TECR: variants seen among roughly 807,000 people sequenced by gnomAD.
TECR encodes trans-2,3-enoyl-CoA reductase.
A neutral mutation model predicts 50.6 loss-of-function variants in TECR; 19 were observed. That is an observed-to-expected ratio of 0.38 (90% confidence interval 0.26 to 0.55). The LOEUF is 0.55. TECR is among the 20% of genes least tolerant of loss of function. TECR has a pLI of 0.79. For synonymous variants in TECR, 168 were observed against 163.5 expected, an observed-to-expected ratio of 1.03 and a Z score of -0.21; for missense variants, 313 against 408.3, an observed-to-expected ratio of 0.77 and a Z score of 2.01.
At chr19:14,528,300 C>T (rs1333981286), upstream of TECR, among the ~76,000 whole-genome samples, 1 of 134,602 alleles carries the variant, frequency 7.4e-6, no homozygotes, top group Admixed American at 7.5e-5. Context: ...AGTGTAGTGG[C>T]GAGATCTTGG....
chr19:14,533,385 A>G (rs1016166435), intron 1 of TECR, among the ~76,000 whole-genome samples: 8 of 151,934 alleles, frequency 5.3e-5, no homozygotes, highest in Admixed American at 2.0e-4. Context: ...GCACCACTGC[A>G]CTCCAGCCTG....
chr19:14,539,894 TTC>T (rs2073037479), intron 1 of TECR, among the ~76,000 whole-genome samples: 1 of 150,334 alleles, frequency 6.7e-6, no homozygotes, highest in Non-Finnish European at 1.5e-5. Context: ...TTTTTTTTTT[TTC>T]TGAGACGGAG....
chr19:14,542,322 C>T lies in TECR; in HGVS notation c.15+12611C>T, dbSNP rs568342112. 1.2e-4 allele frequency among the ~76,000 whole-genome samples: 17 copies of T among 140,460 alleles called. No homozygotes were observed. The East Asian group carries it at 3.3e-3, about 27-fold the overall frequency. The allele number at this position is 140,460 out of a possible 152,430, so 92.1% of individuals were successfully genotyped here. On this transcript the variant is annotated intron_variant, in intron 1 of 12. Transcript: ENST00000215567. ...ATTGGAGGGCAGTTCATTTTTAAGT[C>T]CTCAGGGGGCCCTCATGCCATAGTG... is the stretch of plus-strand genomic sequence containing the variant.
Position 14,565,584 on chromosome 19 carries a change from G to GCTGCCCACGCTCACTCTCCGCCC in TECR, c.754-25_754-3dup, listed in dbSNP as rs762576926. 5 of 1,600,082 alleles carry GCTGCCCACGCTCACTCTCCGCCC rather than the reference G, an allele frequency of 3.1e-6. No homozygotes were observed. In the East Asian group the frequency reaches 1.1e-4, roughly 36 times the overall value. ...GACAGCCACATACACGGGTTGCGAG[G>GCTGCCCACGCTCACTCTCCGCCC]CTGCCCACGCTCACTCTCCGCCCCT... On this transcript the variant is annotated intron_variant, in intron 11 of 12. Transcript: ENST00000215567.
chr19:14,563,309 CT>C lies in TECR; in HGVS notation c.118+54del. 1.3e-6 allele frequency: 2 copies of C among 1,520,434 alleles called. No individual in the cohort carries two copies. Among genetic ancestry groups the C allele is most frequent in the Non-Finnish European group, 1.8e-6 (2 of 1,098,774 alleles). The allele number at this position is 1,520,434 out of a possible 1,614,324, so 94.2% of individuals were successfully genotyped here. A position where few individuals can be genotyped will look rare whatever the true frequency, so the allele number is the denominator to read the frequency against. ...CCCTGCAACCCCTTTGACCAGGGAC[CT>C]TAGGGTGGGAGGGATCCCATCCTGC... is the stretch of plus-strand genomic sequence containing the variant. On this transcript the variant is annotated intron_variant, in intron 3 of 12. Transcript: ENST00000215567. The surrounding 1 kb of genome is among the most constrained non-coding windows in gnomAD (Gnocchi z 5.3).
At chr19:14,537,837 C>T (rs2072958015) in intron 1 of TECR, among the ~76,000 whole-genome samples, 1 of 151,388 alleles carries the variant, frequency 6.6e-6, no homozygotes, top group Non-Finnish European at 1.5e-5. Context: ...CCTCCGCCTC[C>T]CGGGTTCAGG....
upstream of TECR, chr19:14,527,801 G>C (rs1437376982): frequency 6.6e-6 from 1 of 152,252 alleles, no homozygotes; most frequent in Non-Finnish European, 1.5e-5. Flanking sequence ...TGAAAGCTCA[G>C]GGGCAGGATC....
Position 14,564,230 on chromosome 19 carries a change from G to A in TECR, c.432G>A (p.Glu144=). 1 of 1,608,024 alleles carries A rather than the reference G, an allele frequency of 6.2e-7. No homozygotes were observed. Residue 144 remains glutamate, a synonymous_variant, in exon 7 of 13, where the codon GAG becomes GAA. Coordinates refer to ENST00000215567, the MANE Select transcript of TECR (RefSeq NM_138501.6). Reference sequence around the variant, plus strand: ...TCCACTACATCAAGCGCCTGCTGGAGACGCTCTTCGTGCACCGCTTCTCCC... The same window carrying A: ...TCCACTACATCAAGCGCCTGCTGGAAACGCTCTTCGTGCACCGCTTCTCCC... ...HSFHYIKRLL[E]TLFVHRFSHG... is the part of the protein sequence containing the mutation.
At chr19:14,562,858 C>T (rs901197113) in intron 2 of TECR, among the ~76,000 whole-genome samples, 3 of 152,064 alleles carry the variant, frequency 2.0e-5, no homozygotes, top group African/African-American at 7.2e-5. Flanking sequence ...AAGGGGCTTG[C>T]GCTGTCCCTG....
intron 1 of TECR, among the ~76,000 whole-genome samples, chr19:14,552,161 CTTTCTTT>C (rs1410455810): frequency 6.1e-5 from 9 of 147,388 alleles, no homozygotes; most frequent in South Asian, 2.2e-4. Flanking sequence ...TTCTTTCTTT[CTTTCTTT>C]TTTCTTTTTT....
intron 6 of TECR, 23 bp downstream of exon 6, chr19:14,564,120 G>C (rs1217881870): frequency 1.2e-5 from 20 of 1,608,808 alleles, no homozygotes; most frequent in Non-Finnish European, 1.6e-5. Flanking sequence ...GGTGGGAGGA[G>C]GGTAGGGGAA....
At chr19:14,565,700 C>T (rs562389251) in intron 12 of TECR, 37 bp downstream of exon 12, 6 of 1,611,956 alleles carry the variant, frequency 3.7e-6, no homozygotes, top group South Asian at 1.1e-5. Context: ...GGCCCTGCCC[C>T]TCCGGGCCGG....
chr19:14,561,124 C>T (rs1253145919), intron 1 of TECR, among the ~76,000 whole-genome samples: 6 of 152,032 alleles, frequency 3.9e-5, no homozygotes, highest in Non-Finnish European at 5.9e-5. Context: ...CTGGCTTGAC[C>T]GTGGTGCCCT....
At chr19:14,541,103 G>A (rs531708059) in intron 1 of TECR, among the ~76,000 whole-genome samples, 97 of 152,304 alleles carry the variant, frequency 6.4e-4, no homozygotes, top group South Asian at 2.7e-3. Flanking sequence ...TGGGATTACA[G>A]GTGTGAGCCA....
intron 1 of TECR, among the ~76,000 whole-genome samples, chr19:14,556,434 C>CAAACAAAAA (rs1491415468): frequency 7.8e-6 from 1 of 128,672 alleles, no homozygotes; most frequent in Non-Finnish European, 1.6e-5. Flanking sequence ...ACAAAAAAAA[C>CAAACAAAAA]CACATTGTGA....
Position 14,564,954 on chromosome 19 carries a change from G to A in TECR, c.568G>A (p.Gly190Arg), listed in dbSNP as rs1315867683. The A allele has an allele frequency of 2.5e-6, 4 of 1,613,982 alleles. No homozygotes were observed. In the Admixed American group the frequency reaches 5.0e-5, roughly 20 times the overall value. ...CCTCCCTGCTTCCTCTTCAGCCTACGGAGCTCAGCAGGTGAAACTGGCGCT... is the reference window on the plus strand; with the variant it reads ...CCTCCCTGCTTCCTCTTCAGCCTACAGAGCTCAGCAGGTGAAACTGGCGCT... ...NHPLYTPPTY[G>R]AQQVKLALAI... The change falls in exon 9 of 13, where the codon GGA becomes AGA. Residue 190 changes from glycine (G) to arginine (R), a missense_variant. Gly to Arg is a moderately radical substitution (Grantham distance 125). Transcript: ENST00000215567.
chr19:14,529,810 A>T (rs2072550042), intron 1 of TECR, 99 bp downstream of exon 1: 2 of 1,568,304 alleles, frequency 1.3e-6, no homozygotes, highest in South Asian at 2.2e-5. Flanking sequence ...CTGTGCCCCG[A>T]AGGAAGAGCC....
intron 7 of TECR, among the ~76,000 whole-genome samples, chr19:14,564,536 G>A (rs1411438956): frequency 3.0e-5 from 1 of 33,156 alleles, no homozygotes; most frequent in Non-Finnish European, 5.4e-5. Context: ...CCTAGGCACC[G>A]CCTATCCCCC....
chr19:14,545,271 A>C, intron 1 of TECR: 3 of 452,170 alleles, frequency 6.6e-6, no homozygotes, highest in South Asian at 4.7e-5. Flanking sequence ...TCCGGGTGTC[A>C]CCCGCTTCCC....
Sources: allele counts gnomAD v4.1 joint callset (sites outside exome capture counted in the v4.1 genomes callset), GRCh38; gene constraint gnomAD v4.1.1; non-coding constraint Gnocchi (gnomAD v3.1); transcripts MANE v1.5; gene names NCBI Gene and HGNC (gene_info 2026-07-23, HGNC 2026-07-21).